ROBO2: variants seen among roughly 807,000 people sequenced by gnomAD.
ROBO2 encodes the protein roundabout homolog 2.
Under a neutral mutation model 160.8 loss-of-function variants are expected in ROBO2, and 53 were observed. The ratio of observed to expected loss-of-function variants is 0.33; its 90% CI spans 0.26 to 0.41. The LOEUF is 0.41. Ranked by LOEUF, ROBO2 falls within the 10% of genes least tolerant of loss-of-function variation. The probability of loss-of-function intolerance (pLI) is 1.00; values close to 1 mark genes in which losing one functional copy is unlikely to be tolerated. For synonymous variants in ROBO2, 664 were observed against 611.7 expected, an observed-to-expected ratio of 1.09 and a Z score of -1.26; for missense variants, 1,577 against 1,722.4, an observed-to-expected ratio of 0.92 and a Z score of 1.49.
chr3:77,054,393 G>T (rs970980124), intron 1 of ROBO2, among the ~76,000 whole-genome samples: 1 of 152,130 alleles, frequency 6.6e-6, no homozygotes, highest in Admixed American at 6.6e-5. Context: ...TACAACGTAT[G>T]CCATCTGACC....
intron 2 of ROBO2, among the ~76,000 whole-genome samples, chr3:77,010,853 T>TCC (rs1553726477): frequency 1.1e-5 from 1 of 93,502 alleles, no homozygotes. Context: ...TCCCTCCCTC[T>TCC]CTCCCTCCCT....
intron 2 of ROBO2, among the ~76,000 whole-genome samples, chr3:76,987,552 T>C (rs569432333): frequency 6.6e-6 from 1 of 152,278 alleles, no homozygotes; most frequent in Non-Finnish European, 1.5e-5. Context: ...TTTACTGGGA[T>C]ATTGCAAAGG....
At chr3:77,120,588 A>G (rs2074655790) in intron 2 of ROBO2, among the ~76,000 whole-genome samples, 1 of 152,224 alleles carries the variant, frequency 6.6e-6, no homozygotes, top group Non-Finnish European at 1.5e-5. Context: ...CGTTATGCTC[A>G]TTTTAGCAGT....
At chr3:76,300,035 A>T (rs1173677883) in intron 2 of ROBO2, among the ~76,000 whole-genome samples, 1 of 152,162 alleles carries the variant, frequency 6.6e-6, no homozygotes, top group Non-Finnish European at 1.5e-5. Context: ...ACAGCTAAAA[A>T]TAACATCCAA....
At chr3:77,222,319 C>T (rs1408280406) in intron 2 of ROBO2, among the ~76,000 whole-genome samples, 2 of 152,294 alleles carry the variant, frequency 1.3e-5, no homozygotes, top group African/African-American at 4.8e-5. Context: ...AGAATGGCAC[C>T]TGCTTAAAAT....
At chr3:77,647,176 C>T (rs2095418228) in exon 26 of ROBO2, 1 of 152,394 alleles carries the variant, frequency 6.6e-6, no homozygotes, top group South Asian at 2.1e-4. Flanking sequence ...ACAGTGCACA[C>T]TAGAGGATAG....
chr3:76,219,548 T>G (rs1359611155), intron 2 of ROBO2, among the ~76,000 whole-genome samples: 2 of 152,138 alleles, frequency 1.3e-5, no homozygotes, highest in African/African-American at 4.8e-5. Flanking sequence ...AAGAAGACAT[T>G]TATGCAGCCA....
At chr3:77,423,566 T>C (rs1402665213) in intron 2 of ROBO2, among the ~76,000 whole-genome samples, 3 of 152,190 alleles carry the variant, frequency 2.0e-5, no homozygotes, top group Non-Finnish European at 4.4e-5. Context: ...TTGTTCTTCC[T>C]GGTTTTTCTA....
At chr3:76,929,529 T>C (rs1280771076) in intron 2 of ROBO2, among the ~76,000 whole-genome samples, 1 of 152,232 alleles carries the variant, frequency 6.6e-6, no homozygotes, top group Non-Finnish European at 1.5e-5. Flanking sequence ...TCCTGGGTCA[T>C]TGTAATAGAT....
chr3:77,176,327 AG>A (rs1157891411), intron 2 of ROBO2, among the ~76,000 whole-genome samples: 35 of 152,072 alleles, frequency 2.3e-4, no homozygotes, highest in African/African-American at 7.7e-4. Flanking sequence ...CATATGAATG[AG>A]TCAGTGAAAA....
At chr3:76,384,590 A>G (rs548850723) in intron 2 of ROBO2, among the ~76,000 whole-genome samples, 44 of 152,266 alleles carry the variant, frequency 2.9e-4, no homozygotes, top group East Asian at 7.7e-4. Flanking sequence ...GTAATTTATA[A>G]AGGAAAGAGG....
At chr3:76,249,969 G>T (rs1705888122) in intron 2 of ROBO2, among the ~76,000 whole-genome samples, 1 of 151,986 alleles carries the variant, frequency 6.6e-6, no homozygotes, top group South Asian at 2.1e-4. Context: ...ATATGTTAAG[G>T]TATGTTGTAA....
At position 75,966,269 on chromosome 3, in the gene ROBO2, G is replaced by T. The variant is rs377268920; in HGVS notation, c.109+28667G>T. Among the ~76,000 whole-genome samples the T allele has an allele frequency of 6.0e-5, 9 of 150,508 alleles. 1 individual carries two copies. Among genetic ancestry groups the T allele is most frequent in the Admixed American group, 1.3e-4 (2 of 15,008 alleles). On this transcript the variant is annotated intron_variant, in intron 2 of 26. Transcript: ENST00000487694. The stretch of plus-strand genomic sequence containing the variant: ...CTCTTTAGCACTTTGCCTAAATAAC[G>T]TTTTTTTTTAAAGAGACATATGCAA...
chr3:76,564,184 C>T (rs187147934), intron 2 of ROBO2, among the ~76,000 whole-genome samples: 292 of 152,294 alleles, frequency 1.9e-3, no homozygotes, highest in African/African-American at 5.6e-3. Context: ...CCAGTCGGGG[C>T]GACACAGCAA....
chr3:76,622,770 A>G (rs889006482), intron 2 of ROBO2, among the ~76,000 whole-genome samples: 1 of 152,104 alleles, frequency 6.6e-6, no homozygotes, highest in Non-Finnish European at 1.5e-5. Context: ...CCACTTGTCA[A>G]GCTTCTATGT....
intron 2 of ROBO2, among the ~76,000 whole-genome samples, chr3:76,101,488 G>T (rs1057343634): frequency 6.6e-6 from 1 of 152,102 alleles, no homozygotes; most frequent in Non-Finnish European, 1.5e-5. Flanking sequence ...ATACATTTTG[G>T]AGTCATGATT....
chr3:75,991,325 A>G (rs1422796595), intron 2 of ROBO2, among the ~76,000 whole-genome samples: 1 of 152,094 alleles, frequency 6.6e-6, no homozygotes, highest in African/African-American at 2.4e-5. Flanking sequence ...TACAATTCTT[A>G]TGTGTTGTGG....
intron 6 of ROBO2, among the ~76,000 whole-genome samples, chr3:77,539,126 C>T (rs1161072818): frequency 6.6e-6 from 1 of 152,110 alleles, no homozygotes; most frequent in Non-Finnish European, 1.5e-5. Context: ...CACCATGTTG[C>T]CCAGGCTGAT....
intron 2 of ROBO2, among the ~76,000 whole-genome samples, chr3:77,229,823 G>A (rs558771419): frequency 6.6e-5 from 10 of 152,202 alleles, no homozygotes; most frequent in Admixed American, 1.3e-4. Context: ...ATTTCAACCC[G>A]TTGAAATCAA....
Sources: gnomAD v4.1 joint callset for allele counts (sites outside exome capture counted in the v4.1 genomes callset) on GRCh38, gnomAD v4.1.1 for gene constraint, MANE v1.5 for transcripts, NCBI Gene and HGNC (gene_info 2026-07-23, HGNC 2026-07-21) for gene names.